RAB44: variants seen among roughly 807,000 people sequenced by gnomAD.
The protein encoded by RAB44 is ras-related protein Rab-44.
Under a neutral mutation model 93.3 loss-of-function variants are expected in RAB44, and 67 were observed. The ratio of observed to expected loss-of-function variants is 0.72; its 90% CI spans 0.59 to 0.88. The LOEUF (loss-of-function observed/expected upper bound fraction) is 0.88. RAB44 is among the 40% of genes least tolerant of loss of function. RAB44 has a pLI of 0.00. For missense variants in RAB44, 1,064 were observed against 1,261.7 expected (o/e 0.84, Z 2.37); for synonymous variants, 427 against 520.3 (o/e 0.82, Z 2.44).
intron 1 of RAB44, among the ~76,000 whole-genome samples, chr6:36,702,441 G>A (rs1204431106): frequency 6.6e-6 from 1 of 152,170 alleles, no homozygotes. Flanking sequence ...TGCCCAAGGG[G>A]AGGCCGTGGA....
rs1762735068 is a variant in RAB44 at position 36,709,695 on chromosome 6, A to G, written c.208-4133A>G. ...CTCAGCCACCCAATTAGCTGGAATT[A>G]CAGACGCCCGCCACCATGCCAGGAG... On this transcript the variant is annotated intron_variant, in intron 2 of 13. Transcript: ENST00000612677. 2.0e-5 allele frequency among the ~76,000 whole-genome samples: 3 copies of G among 152,170 alleles called. No individual in the cohort carries two copies. In the South Asian group the frequency reaches 6.2e-4, roughly 32 times the overall value.
rs1404804305 is a variant in RAB44, at chr6:36,728,904, C to T, written c.2898+103C>T. 4.2e-6 allele frequency: 4 copies of T among 953,868 alleles called. No homozygotes were observed. In the East Asian group the frequency reaches 1.1e-4, roughly 25 times the overall value. 59.1% of individuals were successfully genotyped at this position (953,868 alleles called of 1,614,324 possible). A position where few individuals can be genotyped will look rare whatever the true frequency, so the allele number is the denominator to read the frequency against. ...CCTGACCTGGGCAGCCGAGAAGAACCCGTGGCCCATTCCTGCCCCTGCCCC... is the reference window on the plus strand; with the variant it reads ...CCTGACCTGGGCAGCCGAGAAGAACTCGTGGCCCATTCCTGCCCCTGCCCC... On this transcript the variant is annotated intron_variant, in intron 12 of 13. Coordinates refer to ENST00000612677, the MANE Select transcript of RAB44 (RefSeq NM_001257357.2).
chr6:36,728,091 G>A (rs1562068420), intron 11 of RAB44, among the ~76,000 whole-genome samples: 1 of 152,192 alleles, frequency 6.6e-6, no homozygotes, highest in South Asian at 2.1e-4. Flanking sequence ...TACTAGCACA[G>A]CAGAGGGGTG....
Position 36,718,025 on chromosome 6 carries a change from C to G in RAB44, c.642-3C>G. On this transcript the variant is annotated splice_polypyrimidine_tract_variant and splice_region_variant and intron_variant, in intron 5 of 13. Coordinates refer to ENST00000612677, the MANE Select transcript of RAB44 (RefSeq NM_001257357.2). The stretch of plus-strand genomic sequence containing the variant: ...GCCTGGCCCCAACTCCTGCTCCTCC[C>G]AGGCGTGACTCTGACCACCACCGCG... 1 of 1,231,910 alleles carries G rather than the reference C, an allele frequency of 8.1e-7. No homozygotes were observed. Among genetic ancestry groups the G allele is most frequent in the Non-Finnish European group, 1.0e-6 (1 of 987,902 alleles). 76.3% of individuals were successfully genotyped at this position (1,231,910 alleles called of 1,614,324 possible).
intron 12 of RAB44, among the ~76,000 whole-genome samples, chr6:36,729,283 A>G (rs558417318): frequency 1.3e-5 from 2 of 152,282 alleles, no homozygotes; most frequent in East Asian, 3.9e-4. Context: ...CTATCTATTC[A>G]TGAATGGCAT....
intron 1 of RAB44, among the ~76,000 whole-genome samples, chr6:36,703,817 T>C (rs747054884): frequency 1.3e-5 from 2 of 152,032 alleles, no homozygotes; most frequent in Non-Finnish European, 2.9e-5. Context: ...AGAAGCTGCT[T>C]ATGGCCCTTC....
In RAB44 at chr6:36,717,951, G is replaced by A. The variant is rs182224772; in HGVS notation, c.642-77G>A. ...GCAATAGGATGGATTCCAAACCCAA[G>A]CCCAGACTGCCCCTGCCAGCAGCAG... On this transcript the variant is annotated intron_variant, in intron 5 of 13. Transcript: ENST00000612677. This position sits in a 1 kb window ranked among gnomAD's most constrained non-coding sequence, Gnocchi z 4.1. 2.7e-3 allele frequency: 2,448 copies of A among 905,960 alleles called. 4 individuals carry two copies. The highest frequency in any genetic ancestry group is 7.4e-3 in the Middle Eastern group (19 of 2,566). 56.1% of individuals were successfully genotyped at this position (905,960 alleles called of 1,614,324 possible).
chr6:36,716,586 A>T (rs1762927507), intron 4 of RAB44, among the ~76,000 whole-genome samples: 1 of 151,628 alleles, frequency 6.6e-6, no homozygotes, highest in Admixed American at 6.6e-5. Flanking sequence ...CCACTGGCCC[A>T]GGTTTGCTTG....
At chr6:36,719,331 C>T (rs1436842587) in intron 7 of RAB44, among the ~76,000 whole-genome samples, 3 of 152,226 alleles carry the variant, frequency 2.0e-5, no homozygotes, top group Admixed American at 2.0e-4. Context: ...TGCTGCTGCT[C>T]CTTGGAAATC....
chr6:36,730,705 C>G lies in RAB44; in HGVS notation c.2931C>G (p.Ala977=). 8.1e-7 allele frequency: 1 copy of G among 1,234,240 alleles called. No individual in the cohort carries two copies. Among genetic ancestry groups the G allele is most frequent in the Non-Finnish European group, 1.0e-6 (1 of 988,238 alleles). 76.5% of individuals were successfully genotyped at this position (1,234,240 alleles called of 1,614,324 possible). A position where few individuals can be genotyped will look rare whatever the true frequency, so the allele number is the denominator to read the frequency against. The change falls in exon 13 of 14, where the codon GCC becomes GCG. Residue 977 remains alanine (A), a synonymous_variant. Coordinates refer to ENST00000612677, the MANE Select transcript of RAB44 (RefSeq NM_001257357.2). ...ELGVYFGECS[A]ALGHNILEPV... is the part of the protein sequence containing the mutation. Reference sequence around the variant, plus strand: ...GGGTCTATTTTGGGGAGTGCAGTGCCGCCTTGGGTCACAACATCCTGGAGC... The same window carrying G: ...GGGTCTATTTTGGGGAGTGCAGTGCGGCCTTGGGTCACAACATCCTGGAGC...
intron 4 of RAB44, among the ~76,000 whole-genome samples, chr6:36,715,976 G>T (rs1010901915): frequency 6.6e-6 from 1 of 152,200 alleles, no homozygotes; most frequent in African/African-American, 2.4e-5. Flanking sequence ...ACTAGCGATT[G>T]GGCTCAGCTT....
chr6:36,698,166 C>T (rs912674730), intron 1 of RAB44, among the ~76,000 whole-genome samples: 1 of 152,170 alleles, frequency 6.6e-6, no homozygotes, highest in Non-Finnish European at 1.5e-5. Flanking sequence ...CTCAGAGCCT[C>T]AGTTTCTCTG....
rs236477 is a variant in RAB44, at chr6:36,721,853, C to T, written c.1719C>T (p.Ala573=). ...AGCCCGGACCCTCACCCACAACTGC[C>T]CTCACAGGAGTGGGCCCAGCCAAGC... ...ETQPGPSPTT[A]LTGVGPAKPP... Residue 573 remains alanine (A), a synonymous_variant, in exon 9 of 14, where the codon GCC becomes GCT. Transcript: ENST00000612677. 742,803 of 1,234,678 alleles carry T rather than the reference C, an allele frequency of 0.6. 228,159 individuals carry two copies. Among genetic ancestry groups the T allele is most frequent in the Non-Finnish European group, 0.63 (625,500 of 988,606 alleles). The allele number at this position is 1,234,678 out of a possible 1,614,324, so 76.5% of individuals were successfully genotyped here.
intron 11 of RAB44, among the ~76,000 whole-genome samples, 168 bp downstream of exon 11, chr6:36,727,859 A>G (rs898188509): frequency 2.6e-5 from 4 of 152,204 alleles, no homozygotes; most frequent in Admixed American, 6.5e-5. Flanking sequence ...CAGTAGTACA[A>G]AGAAACCACA....
At chr6:36,706,943 C>T (rs142021098) in intron 2 of RAB44, among the ~76,000 whole-genome samples, 4 of 151,928 alleles carry the variant, frequency 2.6e-5, no homozygotes, top group Admixed American at 1.3e-4. Flanking sequence ...CCATGTTGCC[C>T]GGGCTTAAAA....
intron 3 of RAB44, among the ~76,000 whole-genome samples, chr6:36,714,640 G>T (rs969228395): frequency 6.6e-6 from 1 of 152,252 alleles, no homozygotes; most frequent in South Asian, 2.1e-4. Flanking sequence ...AGCTGAGAGT[G>T]GGGAGGAGAA....
At chr6:36,715,245 G>T (rs1449452250) in intron 3 of RAB44, among the ~76,000 whole-genome samples, 1 of 152,172 alleles carries the variant, frequency 6.6e-6, no homozygotes, top group Non-Finnish European at 1.5e-5. Flanking sequence ...TGGAGGTGTG[G>T]TGTGATTTCC....
intron 2 of RAB44, among the ~76,000 whole-genome samples, chr6:36,707,274 T>A (rs1200837070): frequency 6.6e-6 from 1 of 151,854 alleles, no homozygotes; most frequent in East Asian, 1.9e-4. Context: ...GGAAAATCAC[T>A]TCAACGTGGG....
Position 36,717,071 on chromosome 6 carries a change from C to G in RAB44, c.495-202C>G, listed in dbSNP as rs1762939518. Among the ~76,000 whole-genome samples, 1 of 152,022 alleles carries G rather than the reference C, an allele frequency of 6.6e-6. No individual in the cohort carries two copies. The highest frequency in any genetic ancestry group is 1.5e-5 in the Non-Finnish European group (1 of 68,014). On this transcript the variant is annotated intron_variant, in intron 4 of 13. Coordinates refer to ENST00000612677, the MANE Select transcript of RAB44 (RefSeq NM_001257357.2). The surrounding 1 kb of genome is among the most constrained non-coding windows in gnomAD (Gnocchi z 4.1). Reference sequence around the variant, plus strand: ...AGAGAGACACAGTGTGGCGGGGGTTCGAGAAGGGAGAGGGCACATCTGGGA... The same window carrying G: ...AGAGAGACACAGTGTGGCGGGGGTTGGAGAAGGGAGAGGGCACATCTGGGA...
Sources: allele counts gnomAD v4.1 joint callset (sites outside exome capture counted in the v4.1 genomes callset), GRCh38; gene constraint gnomAD v4.1.1; non-coding constraint Gnocchi (gnomAD v3.1); transcripts MANE v1.5; gene names NCBI Gene and HGNC (gene_info 2026-07-23, HGNC 2026-07-21).